Variants in ROCK1 observed in about 807,000 individuals in gnomAD.
ROCK1 encodes the protein rho-associated protein kinase 1.
Under a neutral mutation model 196.8 loss-of-function variants are expected in ROCK1, and 36 were observed. The ratio of observed to expected loss-of-function variants is 0.18; its 90% confidence interval spans 0.14 to 0.24. The LOEUF (loss-of-function observed/expected upper bound fraction) is 0.24. Among genes scored for constraint, ROCK1 ranks in the 10% least tolerant of loss-of-function variants. The pLI, the probability that ROCK1 is intolerant of heterozygous loss-of-function variation, is 1.00. For synonymous variants in ROCK1, 443 were observed against 515.9 expected (o/e 0.86, Z 1.91); for missense variants, 920 against 1,562.0 (o/e 0.59, Z 6.93).
intron 19 of ROCK1, among the ~76,000 whole-genome samples, chr18:20,986,077 T>G (rs1340873702): frequency 6.6e-6 from 1 of 152,028 alleles, no homozygotes; most frequent in East Asian, 1.9e-4. Flanking sequence ...GGTTTCAAAC[T>G]CCTGAGCTTA....
chr18:20,999,990 G>T (rs2035709083), intron 16 of ROCK1, among the ~76,000 whole-genome samples: 1 of 152,168 alleles, frequency 6.6e-6, no homozygotes, highest in Non-Finnish European at 1.5e-5. Flanking sequence ...CAAAGAAATT[G>T]CTATCAAAAT....
intron 16 of ROCK1, among the ~76,000 whole-genome samples, chr18:21,004,433 A>C (rs934055244): frequency 1.3e-5 from 2 of 152,192 alleles, no homozygotes; most frequent in Non-Finnish European, 2.9e-5. Context: ...AAACTCACAT[A>C]AGTTGTGTGC....
chr18:21,015,893 T>C (rs2035858472), intron 12 of ROCK1, among the ~76,000 whole-genome samples: 1 of 151,236 alleles, frequency 6.6e-6, no homozygotes, highest in South Asian at 2.1e-4. Flanking sequence ...GGCAGGAGAA[T>C]CACTTGAACC....
rs756261380 is a variant in ROCK1, at chr18:21,008,152, C to T, written c.1453G>A (p.Glu485Lys). The T allele has an allele frequency of 3.8e-6, 6 of 1,595,142 alleles. No individual in the cohort carries two copies. Among genetic ancestry groups the T allele is most frequent in the Non-Finnish European group, 5.1e-6 (6 of 1,169,468 alleles). The stretch of plus-strand genomic sequence containing the variant: ...TGCTGTAGCAACATTTTCTCCTTCT[C>T]AATCTGAGACACTGTAGATTCTAGA... ...RNLESTVSQI[E>K]KEKMLLQHRI... Residue 485 changes from glutamate (E) to lysine (K), a missense_variant, in exon 14 of 33, where the codon GAG becomes AAG. Transcript: ENST00000399799.
chr18:21,042,375 G>A (rs2036114622), intron 7 of ROCK1, 140 bp from the exon 8 acceptor site: 2 of 979,728 alleles, frequency 2.0e-6, no homozygotes, highest in Non-Finnish European at 1.5e-6. Flanking sequence ...ATATATAAAA[G>A]AACACATCAC....
At chr18:21,010,400 AT>A (rs1457875942) in intron 13 of ROCK1, among the ~76,000 whole-genome samples, 1 of 152,140 alleles carries the variant, frequency 6.6e-6, no homozygotes, top group East Asian at 1.9e-4. Flanking sequence ...TTTTCACTTC[AT>A]TGTTCAAATA....
intron 10 of ROCK1, among the ~76,000 whole-genome samples, chr18:21,025,278 T>A (rs780764472): frequency 6.6e-6 from 1 of 152,244 alleles, no homozygotes; most frequent in African/African-American, 2.4e-5. Flanking sequence ...TTAAAAATCA[T>A]GTTTAATTCA....
chr18:21,025,181 ATT>A (rs1467205659), intron 10 of ROCK1, among the ~76,000 whole-genome samples: 7 of 152,308 alleles, frequency 4.6e-5, no homozygotes, highest in Non-Finnish European at 8.8e-5. Flanking sequence ...TGCATATTAT[ATT>A]GGTGCTTTTA....
At chr18:20,993,123 T>C (rs1231747294) in intron 16 of ROCK1, among the ~76,000 whole-genome samples, 186 bp from the exon 17 acceptor site, 2 of 152,244 alleles carry the variant, frequency 1.3e-5, no homozygotes, top group Non-Finnish European at 2.9e-5. Flanking sequence ...TAATTGGATA[T>C]AATCTAGTGC....
intron 22 of ROCK1, among the ~76,000 whole-genome samples, chr18:20,974,933 T>C (rs1375291776): frequency 6.6e-6 from 1 of 152,218 alleles, no homozygotes; most frequent in African/African-American, 2.4e-5. Flanking sequence ...CTCTAGCTAC[T>C]GCTACATCCC....
At position 21,021,753 on chromosome 18, in the gene ROCK1, C is replaced by T. The variant is rs2035914759; in HGVS notation, c.1273-1514G>A. 2.0e-5 allele frequency among the ~76,000 whole-genome samples: 3 copies of T among 152,150 alleles called. No homozygotes were observed. The South Asian group carries it at 6.2e-4, about 32-fold the overall frequency. ...ACTGATAAACTTATGGTAATCACCA[C>T]TGAACAAAATCAGCCCAAAGAAAAC... On this transcript the variant is annotated intron_variant, in intron 11 of 32. Transcript: ENST00000399799.
intron 22 of ROCK1, among the ~76,000 whole-genome samples, chr18:20,976,982 T>TTA (rs1471660682): frequency 5.3e-5 from 8 of 152,224 alleles, no homozygotes; most frequent in Non-Finnish European, 1.0e-4. Flanking sequence ...AAATCCTACT[T>TTA]CTTTTACTTC....
At chr18:21,096,859 T>C (rs1405736934) in intron 1 of ROCK1, among the ~76,000 whole-genome samples, 5 of 152,168 alleles carry the variant, frequency 3.3e-5, no homozygotes, top group Non-Finnish European at 7.4e-5. Context: ...GGAATTCTCA[T>C]TAGGTAAGAT....
intron 1 of ROCK1, among the ~76,000 whole-genome samples, chr18:21,103,129 T>C (rs1215818278): frequency 6.6e-6 from 1 of 152,110 alleles, no homozygotes; most frequent in African/African-American, 2.4e-5. Flanking sequence ...AGGGCAAGTA[T>C]ACTAGAGAAG....
At chr18:21,048,985 A>T (rs946592074) in intron 4 of ROCK1, 107 bp downstream of exon 4, 7 of 936,540 alleles carry the variant, frequency 7.5e-6, no homozygotes, top group African/African-American at 6.8e-5. Context: ...ACAATTTTGT[A>T]ACTGCCAGTA....
In ROCK1 at chr18:21,005,362, A is replaced by G. The variant is rs536753631; in HGVS notation, c.1885+989T>C. 2.2e-4 allele frequency among the ~76,000 whole-genome samples: 34 copies of G among 152,290 alleles called. 2 individuals are homozygous for G. The South Asian group carries it at 6.8e-3, about 31-fold the overall frequency. On this transcript the variant is annotated intron_variant, in intron 16 of 32. Coordinates refer to ENST00000399799, the MANE Select transcript of ROCK1 (RefSeq NM_005406.3). The stretch of plus-strand genomic sequence containing the variant: ...TGCAACTGACTTTCTATTACTACCA[A>G]CGATGCATGAGGAATTCCTAGGTTT...
At chr18:21,037,272 G>A (rs2036065733) in intron 9 of ROCK1, among the ~76,000 whole-genome samples, 1 of 152,100 alleles carries the variant, frequency 6.6e-6, no homozygotes, top group Non-Finnish European at 1.5e-5. Context: ...AAGCTATTTT[G>A]TATCCTGCTC....
chr18:21,098,297 A>G (rs1205729947), intron 1 of ROCK1, among the ~76,000 whole-genome samples: 1 of 152,256 alleles, frequency 6.6e-6, no homozygotes, highest in African/African-American at 2.4e-5. Context: ...AATTTAATAT[A>G]TGAAGAAAGT....
At chr18:21,067,130 T>A (rs536662444) in intron 2 of ROCK1, among the ~76,000 whole-genome samples, 11 of 152,200 alleles carry the variant, frequency 7.2e-5, no homozygotes, top group African/African-American at 2.7e-4. Context: ...AGAGGTGTAC[T>A]AGTATCTTAT....
Sources: gnomAD v4.1 joint callset for allele counts (sites outside exome capture counted in the v4.1 genomes callset) on GRCh38, gnomAD v4.1.1 for gene constraint, MANE v1.5 for transcripts, NCBI Gene and HGNC (gene_info 2026-07-23, HGNC 2026-07-21) for gene names.